ANKS1B: variants seen among roughly 807,000 people sequenced by gnomAD.
ANKS1B encodes ankyrin repeat and sterile alpha motif domain containing 1B.
A neutral mutation model predicts 148.3 loss-of-function variants in ANKS1B; 36 were observed. The observed-to-expected ratio is 0.24, with a 90% confidence interval of 0.19 to 0.32. The LOEUF is 0.32. Among genes scored for constraint, ANKS1B ranks in the 10% least tolerant of loss-of-function variants. The probability of loss-of-function intolerance (pLI) is 1.00; values close to 1 mark genes in which losing one functional copy is unlikely to be tolerated. For synonymous variants in ANKS1B, 542 were observed against 560.8 expected (o/e 0.97, Z 0.47); for missense variants, 1,157 against 1,542.6 (o/e 0.75, Z 4.19).
chr12:98,944,350 G>T (rs1417034881), intron 17 of ANKS1B, among the ~76,000 whole-genome samples: 1 of 140,880 alleles, frequency 7.1e-6, no homozygotes. Flanking sequence ...CACATGACAC[G>T]CTGGCTCCTT....
intron 2 of ANKS1B, among the ~76,000 whole-genome samples, chr12:99,813,636 T>C (rs1159136820): frequency 1.3e-5 from 2 of 151,596 alleles, no homozygotes; most frequent in Non-Finnish European, 1.5e-5. Flanking sequence ...CCAGAATGTG[T>C]CCTAAAGTCA....
intron 17 of ANKS1B, among the ~76,000 whole-genome samples, chr12:98,863,177 ACATT>A (rs2099608142): frequency 6.6e-6 from 1 of 152,176 alleles, no homozygotes; most frequent in Admixed American, 6.5e-5. Context: ...TTAAGTTTTT[ACATT>A]CAGTAAGTAG....
At chr12:99,258,377 T>C (rs1306588988) in intron 12 of ANKS1B, among the ~76,000 whole-genome samples, 5 of 151,690 alleles carry the variant, frequency 3.3e-5, no homozygotes, top group African/African-American at 1.2e-4. Flanking sequence ...CAAAAGAAAC[T>C]AAGGGAGGTT....
chr12:99,786,386 C>T (rs920155524), intron 4 of ANKS1B, among the ~76,000 whole-genome samples: 8 of 152,010 alleles, frequency 5.3e-5, no homozygotes, highest in Admixed American at 2.0e-4. Context: ...ACTCAAGGTA[C>T]GAGTGGCAGT....
chr12:99,484,536 C>T (rs142608892), intron 10 of ANKS1B, among the ~76,000 whole-genome samples: 43 of 151,874 alleles, frequency 2.8e-4, no homozygotes, highest in African/African-American at 9.4e-4. Context: ...TTAAGTCCAC[C>T]GTTTCTTTGT....
chr12:98,836,496 C>T (rs1266523465), intron 17 of ANKS1B, among the ~76,000 whole-genome samples: 1 of 152,096 alleles, frequency 6.6e-6, no homozygotes, highest in South Asian at 2.1e-4. Context: ...AAAACAATAA[C>T]AGAGAGAATA....
chr12:99,474,892 A>T (rs2096292038), intron 10 of ANKS1B, among the ~76,000 whole-genome samples: 1 of 151,700 alleles, frequency 6.6e-6, no homozygotes, highest in Admixed American at 6.6e-5. Flanking sequence ...AAAAGAGTGA[A>T]AATATTTATT....
At chr12:99,624,471 A>G (rs957922614) in intron 9 of ANKS1B, among the ~76,000 whole-genome samples, 39 of 152,062 alleles carry the variant, frequency 2.6e-4, no homozygotes, top group African/African-American at 8.9e-4. Flanking sequence ...ACAACCTACA[A>G]AATGGGAGAA....
intron 12 of ANKS1B, among the ~76,000 whole-genome samples, chr12:99,313,659 A>G (rs79030555): frequency 6.6e-6 from 1 of 152,230 alleles, no homozygotes; most frequent in Non-Finnish European, 1.5e-5. Flanking sequence ...AGAACCAATG[A>G]CAAAAACCAC....
intron 10 of ANKS1B, among the ~76,000 whole-genome samples, chr12:99,487,023 T>A (rs990242077): frequency 6.6e-6 from 1 of 152,166 alleles, no homozygotes; most frequent in Non-Finnish European, 1.5e-5. Context: ...CCAAGGCCTA[T>A]CAAATGCACC....
chr12:99,516,326 T>G (rs1238394765), intron 9 of ANKS1B, among the ~76,000 whole-genome samples: 1 of 152,160 alleles, frequency 6.6e-6, no homozygotes, highest in Non-Finnish European at 1.5e-5. Flanking sequence ...ATTTGATATT[T>G]GTATATGGGG....
At chr12:99,964,595 T>C (rs1387276015) in intron 1 of ANKS1B, among the ~76,000 whole-genome samples, 2 of 152,076 alleles carry the variant, frequency 1.3e-5, no homozygotes, top group Non-Finnish European at 2.9e-5. Flanking sequence ...TCTGGCATGA[T>C]ATGAGAGGGT....
At chr12:98,891,342 A>C (rs1432152228) in intron 17 of ANKS1B, among the ~76,000 whole-genome samples, 1 of 152,200 alleles carries the variant, frequency 6.6e-6, no homozygotes, top group Non-Finnish European at 1.5e-5. Flanking sequence ...TATTCATCTA[A>C]ACAAGCCAAT....
chr12:98,777,063 C>CAT (rs2098686099), intron 24 of ANKS1B, among the ~76,000 whole-genome samples: 1 of 152,138 alleles, frequency 6.6e-6, no homozygotes. Flanking sequence ...CTTGGTGGTG[C>CAT]ATACCTGTAG....
intron 1 of ANKS1B, among the ~76,000 whole-genome samples, chr12:99,841,089 AACT>A (rs2085666541): frequency 6.6e-6 from 1 of 152,126 alleles, no homozygotes; most frequent in Admixed American, 6.6e-5. Context: ...AAAATTACCT[AACT>A]ACTCCGTGCC....
At position 99,348,966 on chromosome 12, in the gene ANKS1B, A is replaced by T. The variant is rs2091084099; in HGVS notation, c.1756+50665T>A. 2.0e-5 allele frequency among the ~76,000 whole-genome samples: 3 copies of T among 152,026 alleles called. No individual in the cohort carries two copies. The South Asian group carries it at 6.2e-4, about 31-fold the overall frequency. On this transcript the variant is annotated intron_variant, in intron 12 of 26. Coordinates refer to ENST00000683438, the MANE Select transcript of ANKS1B (RefSeq NM_001352186.2). ...TATGTCATTTAGAAGACAAATGCAT[A>T]AATCAATAATTATAAATTTATGCTA... is the stretch of plus-strand genomic sequence containing the variant.
intron 14 of ANKS1B, among the ~76,000 whole-genome samples, chr12:99,171,188 G>A (rs2077718667): frequency 6.6e-6 from 1 of 152,140 alleles, no homozygotes; most frequent in African/African-American, 2.4e-5. Flanking sequence ...TAACTAGTAA[G>A]TAGCAGTATC....
intron 9 of ANKS1B, among the ~76,000 whole-genome samples, chr12:99,532,346 G>T (rs75054498): frequency 9.2e-4 from 137 of 149,154 alleles, no homozygotes; most frequent in African/African-American, 1.3e-3. Flanking sequence ...AGGTTTTTTT[G>T]TTGTTGTTGT....
At chr12:99,693,928 G>T (rs571926723) in intron 8 of ANKS1B, among the ~76,000 whole-genome samples, 1 of 151,364 alleles carries the variant, frequency 6.6e-6, no homozygotes, top group East Asian at 2.0e-4. Context: ...CTACAGATGC[G>T]TGCCAACATG....
Sources: gnomAD v4.1 joint callset for allele counts (sites outside exome capture counted in the v4.1 genomes callset) on GRCh38, gnomAD v4.1.1 for gene constraint, MANE v1.5 for transcripts, NCBI Gene and HGNC (gene_info 2026-07-23, HGNC 2026-07-21) for gene names.